ARID5B: variants seen among roughly 807,000 people sequenced by gnomAD.
ARID5B encodes AT-rich interactive domain-containing protein 5B.
A neutral mutation model predicts 97.2 loss-of-function variants in ARID5B; 13 were observed. The observed-to-expected ratio is 0.13, with a 90% CI of 0.09 to 0.21. The LOEUF is 0.21. Ranked by LOEUF, ARID5B falls within the 10% of genes least tolerant of loss-of-function variation. ARID5B has a pLI of 1.00. For synonymous variants in ARID5B, 556 were observed against 570.3 expected (o/e 0.97, Z 0.36); for missense variants, 1,210 against 1,465.3 (o/e 0.83, Z 2.84).
intron 9 of ARID5B, among the ~76,000 whole-genome samples, chr10:62,090,633 A>C (rs1253922071): frequency 1.3e-5 from 2 of 152,230 alleles, no homozygotes; most frequent in African/African-American, 4.8e-5. Flanking sequence ...TTTGATAGGT[A>C]TCTCATAAGG....
intron 2 of ARID5B, among the ~76,000 whole-genome samples, chr10:61,914,892 G>A (rs536666963): frequency 1.6e-4 from 25 of 152,174 alleles, no homozygotes; most frequent in Non-Finnish European, 2.4e-4. Flanking sequence ...CTCAAGAGTC[G>A]GGATTGAAAC....
In ARID5B at chr10:62,057,197, A is replaced by G; in HGVS notation, c.927A>G (p.Pro309=). Residue 309 remains proline, a synonymous_variant, in exon 6 of 10, where the codon CCA becomes CCG. Transcript: ENST00000279873. The part of the protein sequence containing the change: ...NCKKVSNEEK[P]KVAIGEECRA... ...AAAAAGTCTCAAATGAAGAAAAACC[A>G]AAGGTTGCCATTGGTGAAGAGTGCA... 1 of 1,613,878 alleles carries G rather than the reference A, an allele frequency of 6.2e-7. No homozygotes were observed. The highest frequency in any genetic ancestry group is 8.5e-7 in the Non-Finnish European group (1 of 1,179,840).
intron 4 of ARID5B, among the ~76,000 whole-genome samples, chr10:62,012,089 A>C (rs1811321569): frequency 6.6e-6 from 1 of 152,222 alleles, no homozygotes; most frequent in Non-Finnish European, 1.5e-5. Context: ...TACGAAAAGT[A>C]CAAGTAGAGT....
chr10:62,042,707 C>T (rs941804683), intron 4 of ARID5B, among the ~76,000 whole-genome samples: 8 of 151,864 alleles, frequency 5.3e-5, no homozygotes, highest in Non-Finnish European at 4.4e-5. Context: ...GTCAGGAGAT[C>T]GAAACCATCC....
chr10:62,062,563 G>A (rs1290807982), intron 7 of ARID5B, among the ~76,000 whole-genome samples: 10 of 152,094 alleles, frequency 6.6e-5, no homozygotes, highest in Non-Finnish European at 1.3e-4. Flanking sequence ...TCTAAGTCAA[G>A]TATCAAAGAT....
intron 4 of ARID5B, among the ~76,000 whole-genome samples, chr10:62,042,807 C>T (rs1464064587): frequency 6.6e-6 from 1 of 150,670 alleles, no homozygotes; most frequent in South Asian, 2.1e-4. Context: ...CCCAGCTACT[C>T]GGGAGGCCGA....
chr10:61,914,223 G>A (rs1222509168), intron 2 of ARID5B, among the ~76,000 whole-genome samples: 2 of 152,188 alleles, frequency 1.3e-5, no homozygotes, highest in African/African-American at 4.8e-5. Flanking sequence ...CCAAAAGTTG[G>A]CAATGTTGGT....
chr10:62,056,116 T>C (rs1839853574), intron 5 of ARID5B, among the ~76,000 whole-genome samples: 2 of 152,150 alleles, frequency 1.3e-5, no homozygotes, highest in South Asian at 4.1e-4. Context: ...GTGTTATATT[T>C]AACGACCATC....
intron 2 of ARID5B, among the ~76,000 whole-genome samples, chr10:61,929,676 C>T (rs1241851816): frequency 1.3e-5 from 2 of 152,142 alleles, no homozygotes; most frequent in Non-Finnish European, 2.9e-5. Flanking sequence ...GCAATTTGCC[C>T]TCATTCTTAT....
chr10:62,003,201 G>T (rs1203765177), intron 4 of ARID5B, among the ~76,000 whole-genome samples: 3 of 152,198 alleles, frequency 2.0e-5, no homozygotes, highest in Non-Finnish European at 4.4e-5. Flanking sequence ...GCTCTTGCTA[G>T]TTTTGAGAAT....
rs1218555935 is a variant in ARID5B, at chr10:62,068,456, CATA to C, written c.1102-1240_1102-1238del. Among the ~76,000 whole-genome samples the C allele has an allele frequency of 2.6e-5, 4 of 151,922 alleles. No individual in the cohort carries two copies. In the East Asian group the frequency reaches 7.7e-4, roughly 29 times the overall value. On this transcript the variant is annotated intron_variant, in intron 7 of 9. Transcript: ENST00000279873. ...GAAATAGAAAAGGTACCATTTACCC[CATA>C]ATATTTAACCAGCCACCTCCTCCTC...
chr10:62,060,352 G>A (rs891923955), intron 7 of ARID5B, among the ~76,000 whole-genome samples: 6 of 152,132 alleles, frequency 3.9e-5, no homozygotes, highest in African/African-American at 1.4e-4. Context: ...TGAGCTATCT[G>A]CTATGAATTC....
intron 2 of ARID5B, among the ~76,000 whole-genome samples, chr10:61,930,867 C>G (rs1307124761): frequency 1.7e-4 from 26 of 152,032 alleles, no homozygotes; most frequent in Admixed American, 1.7e-3. Flanking sequence ...AAAGAACCAC[C>G]ACAAACGCTG....
rs771273560 is a variant in ARID5B at position 62,092,487 on chromosome 10, G to A, written c.3024G>A (p.Ala1008=). The A allele has an allele frequency of 1.2e-5, 20 of 1,614,008 alleles. No homozygotes were observed. The highest frequency in any genetic ancestry group is 1.6e-5 in the Non-Finnish European group (19 of 1,180,016). The change falls in exon 10 of 10, where the codon GCG becomes GCA. Residue 1008 remains alanine, a synonymous_variant. Coordinates refer to ENST00000279873, the MANE Select transcript of ARID5B (RefSeq NM_032199.3). ...HRKMSPQNIG[A]ARPIKRSLED... is the part of the protein sequence containing the mutation. Reference sequence around the variant, plus strand: ...AAATGAGCCCGCAGAACATTGGGGCGGCGCGGCCGATCAAGCGCAGCCTGG... The same window carrying A: ...AAATGAGCCCGCAGAACATTGGGGCAGCGCGGCCGATCAAGCGCAGCCTGG...
chr10:62,091,350 G>A lies in ARID5B; in HGVS notation c.1887G>A (p.Lys629=). 1 of 1,614,200 alleles carries A rather than the reference G, an allele frequency of 6.2e-7. No homozygotes were observed. The highest frequency in any genetic ancestry group is 8.5e-7 in the Non-Finnish European group (1 of 1,180,032). The change falls in exon 10 of 10, where the codon AAG becomes AAA. Residue 629 remains lysine (K), a synonymous_variant. Coordinates refer to ENST00000279873, the MANE Select transcript of ARID5B (RefSeq NM_032199.3). ...MADYIANCTV[K]VDQLGSDDIH... ...ATTACATTGCCAACTGCACCGTGAAGGTGGACCAGCTGGGCAGTGACGACA... is the reference window on the plus strand; with the variant it reads ...ATTACATTGCCAACTGCACCGTGAAAGTGGACCAGCTGGGCAGTGACGACA...
chr10:62,022,159 A>C (rs1040390042), intron 4 of ARID5B, among the ~76,000 whole-genome samples: 1 of 152,202 alleles, frequency 6.6e-6, no homozygotes, highest in African/African-American at 2.4e-5. Flanking sequence ...TGGACTGGAT[A>C]AACTCTAACG....
rs147568910 is a variant in ARID5B at position 62,065,308 on chromosome 10, G to A, written c.1102-4392G>A. 2.8e-3 allele frequency among the ~76,000 whole-genome samples: 425 copies of A among 152,236 alleles called. 3 individuals carry two copies. Among genetic ancestry groups the A allele is most frequent in the East Asian group, 0.025 (128 of 5,180 alleles). On this transcript the variant is annotated intron_variant, in intron 7 of 9. Coordinates refer to ENST00000279873, the MANE Select transcript of ARID5B (RefSeq NM_032199.3). ...GTTATGGTTAATTGTGTGAAGTTAT[G>A]CTTCCCACTAAATTATGAACCTTGA...
At chr10:62,016,164 G>C (rs561902974) in intron 4 of ARID5B, among the ~76,000 whole-genome samples, 7 of 152,138 alleles carry the variant, frequency 4.6e-5, no homozygotes, top group Admixed American at 4.6e-4. Context: ...CATGTGCAGC[G>C]CTCAGCCTGT....
At chr10:62,029,011 C>T (rs142802045) in intron 4 of ARID5B, among the ~76,000 whole-genome samples, 47 of 151,182 alleles carry the variant, frequency 3.1e-4, no homozygotes, top group African/African-American at 1.1e-3. Flanking sequence ...AAAATATTTG[C>T]AAGAGATTTA....
Sources: gnomAD v4.1 joint callset for allele counts (sites outside exome capture counted in the v4.1 genomes callset) on GRCh38, gnomAD v4.1.1 for gene constraint, MANE v1.5 for transcripts, NCBI Gene and HGNC (gene_info 2026-07-23, HGNC 2026-07-21) for gene names.